ABRAXAS2: variants seen among roughly 807,000 people sequenced by gnomAD.
ABRAXAS2 encodes abraxas 2, BRISC complex subunit.
A neutral mutation model predicts 49.0 loss-of-function variants in ABRAXAS2; 23 were observed. The ratio of observed to expected loss-of-function variants is 0.47; its 90% confidence interval spans 0.34 to 0.66. ABRAXAS2 has a LOEUF of 0.66. ABRAXAS2 is among the 30% of genes least tolerant of loss of function. The pLI is 0.01. For missense variants in ABRAXAS2, 443 were observed against 511.9 expected (o/e 0.87, Z 1.30); for synonymous variants, 168 against 180.2 (o/e 0.93, Z 0.54).
At chr10:124,830,320 C>T (rs1199813985) in intron 7 of ABRAXAS2, among the ~76,000 whole-genome samples, 1 of 152,060 alleles carries the variant, frequency 6.6e-6, no homozygotes, top group Non-Finnish European at 1.5e-5. Context: ...CAGCATGCAC[C>T]TGTAGTCCTC....
At chr10:124,819,332 C>T in intron 3 of ABRAXAS2, 52 bp from the exon 4 acceptor site, 1 of 1,479,710 alleles carries the variant, frequency 6.8e-7, no homozygotes, top group Non-Finnish European at 9.5e-7. Context: ...CCAAGCACGT[C>T]TATGTCACAA....
At chr10:124,818,932 T>TC (rs1245561826) in intron 3 of ABRAXAS2, among the ~76,000 whole-genome samples, 1 of 152,174 alleles carries the variant, frequency 6.6e-6, no homozygotes, top group East Asian at 1.9e-4. Flanking sequence ...AACTAATACC[T>TC]CCCAGCACTG....
intron 5 of ABRAXAS2, among the ~76,000 whole-genome samples, chr10:124,827,513 A>G (rs942647084): frequency 1.3e-5 from 2 of 152,152 alleles, no homozygotes; most frequent in Admixed American, 6.5e-5. Flanking sequence ...AGTTATTTAC[A>G]TAAAATTGTT....
At chr10:124,812,928 G>A (rs562538282) in intron 2 of ABRAXAS2, among the ~76,000 whole-genome samples, 5 of 152,282 alleles carry the variant, frequency 3.3e-5, no homozygotes, top group African/African-American at 4.8e-5. Context: ...TGGGCTGGGC[G>A]TGGTGGCTCA....
chr10:124,814,580 A>T (rs1485050356), intron 2 of ABRAXAS2, among the ~76,000 whole-genome samples: 1 of 151,882 alleles, frequency 6.6e-6, no homozygotes, highest in Non-Finnish European at 1.5e-5. Context: ...ACCTCAGGTG[A>T]TCCACCCGCC....
In ABRAXAS2 at chr10:124,826,777, A is replaced by C; in HGVS notation, c.450A>C (p.Pro150=). 6.2e-7 allele frequency: 1 copy of C among 1,613,752 alleles called. No homozygotes were observed. The highest frequency in any genetic ancestry group is 8.5e-7 in the Non-Finnish European group (1 of 1,179,796). Reference sequence around the variant, plus strand: ...CTTTAGAATATGTGCTCTTCAGACCAAATAGAAGGTAAAGCTTGCTTTTCC... The same window carrying C: ...CTTTAGAATATGTGCTCTTCAGACCCAATAGAAGGTAAAGCTTGCTTTTCC... ...THALEYVLFR[P]NRRYNQRISL... The change falls in exon 5 of 9, where the codon CCA becomes CCC. Residue 150 remains proline, a synonymous_variant. Coordinates refer to ENST00000298492, the MANE Select transcript of ABRAXAS2 (RefSeq NM_032182.4).
intron 4 of ABRAXAS2, among the ~76,000 whole-genome samples, chr10:124,822,072 C>T (rs1202189082): frequency 2.0e-5 from 3 of 152,138 alleles, no homozygotes; most frequent in South Asian, 2.1e-4. Context: ...TAAACCAAGC[C>T]GTCCAGCCTC....
At chr10:124,818,933 C>G (rs1950843014) in intron 3 of ABRAXAS2, among the ~76,000 whole-genome samples, 1 of 152,136 alleles carries the variant, frequency 6.6e-6, no homozygotes, top group Non-Finnish European at 1.5e-5. Flanking sequence ...ACTAATACCT[C>G]CCAGCACTGA....
intron 2 of ABRAXAS2, among the ~76,000 whole-genome samples, chr10:124,809,964 G>A (rs1386936064): frequency 6.6e-6 from 1 of 152,036 alleles, no homozygotes; most frequent in Non-Finnish European, 1.5e-5. Flanking sequence ...TGTTGGTCAG[G>A]CTGGTCTCGA....
intron 2 of ABRAXAS2, among the ~76,000 whole-genome samples, chr10:124,813,133 G>A (rs894221028): frequency 7.9e-5 from 12 of 151,896 alleles, no homozygotes; most frequent in East Asian, 1.9e-4. Flanking sequence ...TGTGGGAGGC[G>A]GAGGTTGCAG....
chr10:124,826,310 T>G (rs1950895602), intron 4 of ABRAXAS2, among the ~76,000 whole-genome samples: 1 of 152,200 alleles, frequency 6.6e-6, no homozygotes, highest in African/African-American at 2.4e-5. Context: ...ACAAATAGAA[T>G]CCTATAACCT....
chr10:124,816,179 G>A (rs561367500), intron 2 of ABRAXAS2, among the ~76,000 whole-genome samples: 6 of 152,270 alleles, frequency 3.9e-5, no homozygotes, highest in Admixed American at 3.9e-4. Flanking sequence ...GGGATTACAG[G>A]CGTGAGCCAC....
At chr10:124,817,527 C>G (rs1332795596) in intron 3 of ABRAXAS2, among the ~76,000 whole-genome samples, 1 of 152,080 alleles carries the variant, frequency 6.6e-6, no homozygotes, top group Non-Finnish European at 1.5e-5. Context: ...CTTACCCTTT[C>G]CAAAAGCCAG....
Position 124,826,852 on chromosome 10 carries a change from G to A in ABRAXAS2, c.458+67G>A, listed in dbSNP as rs542818539. 613 of 1,477,648 alleles carry A rather than the reference G, an allele frequency of 4.1e-4. 3 individuals carry two copies. In the African/African-American group the frequency reaches 6.9e-3, roughly 17 times the overall value. 91.5% of individuals were successfully genotyped at this position (1,477,648 alleles called of 1,614,324 possible). The stretch of plus-strand genomic sequence containing the variant: ...GTTGGGACCAGGCGTGGTGGCTTAC[G>A]CCTGTAATCCCAGCACTTTGGAAGG... On this transcript the variant is annotated intron_variant, in intron 5 of 8. Transcript: ENST00000298492.
chr10:124,803,147 C>T (rs1269553195), intron 1 of ABRAXAS2, among the ~76,000 whole-genome samples: 1 of 152,010 alleles, frequency 6.6e-6, no homozygotes, highest in African/African-American at 2.4e-5. Context: ...TTCTTGAATG[C>T]CTACTAATAT....
intron 8 of ABRAXAS2, among the ~76,000 whole-genome samples, chr10:124,832,105 C>T (rs952988538): frequency 1.3e-5 from 2 of 151,782 alleles, no homozygotes; most frequent in Non-Finnish European, 2.9e-5. Flanking sequence ...GTGATCCACC[C>T]GCCTCAGCCT....
intron 2 of ABRAXAS2, among the ~76,000 whole-genome samples, chr10:124,813,069 T>A (rs1950800336): frequency 6.6e-6 from 1 of 151,812 alleles, no homozygotes; most frequent in African/African-American, 2.4e-5. Flanking sequence ...GGCGAGGTGG[T>A]GCACGCCTGT....
intron 2 of ABRAXAS2, among the ~76,000 whole-genome samples, chr10:124,814,440 C>T (rs1045433025): frequency 1.3e-5 from 2 of 151,432 alleles, no homozygotes; most frequent in Non-Finnish European, 1.5e-5. Flanking sequence ...ACCTCCGCCT[C>T]CTGGGTTCAA....
intron 3 of ABRAXAS2, 58 bp downstream of exon 3, chr10:124,816,670 A>G: frequency 2.2e-6 from 3 of 1,336,530 alleles, no homozygotes; most frequent in Non-Finnish European, 3.2e-6. Flanking sequence ...AAAAAAAACT[A>G]GTGAATTTTG....
Sources: gnomAD v4.1 joint callset for allele counts (sites outside exome capture counted in the v4.1 genomes callset) on GRCh38, gnomAD v4.1.1 for gene constraint, MANE v1.5 for transcripts, NCBI Gene and HGNC (gene_info 2026-07-23, HGNC 2026-07-21) for gene names.